The following JMY variants were observed in gnomAD, a reference collection of about 807,000 sequenced individuals.
JMY encodes the protein junction mediating and regulatory protein, p53 cofactor.
In JMY, 46 loss-of-function variants were observed where a neutral mutation model predicts 103.3. The ratio of observed to expected loss-of-function variants is 0.45; its 90% CI spans 0.35 to 0.57. The LOEUF (loss-of-function observed/expected upper bound fraction) is 0.57. Ranked by LOEUF, JMY falls within the 20% of genes least tolerant of loss-of-function variation. The pLI, the probability that JMY is intolerant of heterozygous loss-of-function variation, is 0.00. For synonymous variants in JMY, 526 were observed against 489.3 expected, an observed-to-expected ratio of 1.07 and a Z score of -0.99; for missense variants, 1,238 against 1,255.2, an observed-to-expected ratio of 0.99 and a Z score of 0.21.
chr5:79,267,139 T>C (rs1745608423), intron 1 of JMY, among the ~76,000 whole-genome samples: 1 of 152,234 alleles, frequency 6.6e-6, no homozygotes, highest in African/African-American at 2.4e-5. Context: ...GTGTGGTACA[T>C]TTGTTATAAT....
At chr5:79,294,627 C>T (rs913296475) in intron 4 of JMY, among the ~76,000 whole-genome samples, 7 of 151,962 alleles carry the variant, frequency 4.6e-5, no homozygotes, top group African/African-American at 1.2e-4. Flanking sequence ...GAGGCCAAGA[C>T]GGGCGGATCA....
At chr5:79,292,421 A>G (rs1162669344) in intron 4 of JMY, among the ~76,000 whole-genome samples, 1 of 152,078 alleles carries the variant, frequency 6.6e-6, no homozygotes, top group Non-Finnish European at 1.5e-5. Context: ...GGGCTCAAGC[A>G]GTCCTACCTC....
intron 7 of JMY, among the ~76,000 whole-genome samples, chr5:79,306,727 G>A (rs1161369960): frequency 2.6e-5 from 4 of 152,058 alleles, no homozygotes; most frequent in African/African-American, 9.7e-5. Flanking sequence ...ACATCCCCCA[G>A]AGTGGAATAT....
At position 79,281,386 on chromosome 5, in the gene JMY, A is replaced by G. The variant is rs528225704; in HGVS notation, c.1206+3303A>G. On this transcript the variant is annotated intron_variant, in intron 2 of 10. Coordinates refer to ENST00000396137, the MANE Select transcript of JMY (RefSeq NM_152405.5). Reference sequence around the variant, plus strand: ...TTTTTTTTTTTTTTTTTTTACTTTTAAAACCTTTTTGTTAAAAACTGGAGC... The same window carrying G: ...TTTTTTTTTTTTTTTTTTTACTTTTGAAACCTTTTTGTTAAAAACTGGAGC... Among the ~76,000 whole-genome samples, 752 of 142,362 alleles carry G rather than the reference A, an allele frequency of 5.3e-3. 7 individuals carry two copies. Among genetic ancestry groups the G allele is most frequent in the African/African-American group, 0.02 (736 of 37,734 alleles). The allele number at this position is 142,362 out of a possible 152,430, so 93.4% of individuals were successfully genotyped here. A position where few individuals can be genotyped will look rare whatever the true frequency, so the allele number is the denominator to read the frequency against.
At chr5:79,310,951 C>A (rs920929022) in intron 7 of JMY, among the ~76,000 whole-genome samples, 1 of 152,048 alleles carries the variant, frequency 6.6e-6, no homozygotes, top group African/African-American at 2.4e-5. Flanking sequence ...ACCAGGCTGA[C>A]CCTGTCTCTA....
At chr5:79,278,880 C>T (rs1466204318) in intron 2 of JMY, among the ~76,000 whole-genome samples, 7 of 151,160 alleles carry the variant, frequency 4.6e-5, no homozygotes, top group Admixed American at 6.6e-5. Flanking sequence ...TTGCCCACCT[C>T]GGCCTCCCGA....
In JMY at chr5:79,300,307, G is replaced by C; in HGVS notation, c.1682G>C (p.Arg561Thr). The C allele has an allele frequency of 1.3e-6, 2 of 1,566,232 alleles. 1 individual carries two copies. The highest frequency in any genetic ancestry group is 4.6e-5 in the East Asian group (2 of 43,160). Residue 561 changes from arginine to threonine, a missense_variant, in exon 5 of 11, where the codon AGA (arginine) becomes ACA (threonine). Transcript: ENST00000396137. The part of the protein sequence containing the change: ...LLTAQLESIK[R>T]LISEKRDEVV... ...ACAGCGCAACTAGAAAGCATCAAAAGACTTATATCAGGTATGGCGTGCATT... is the reference window on the plus strand; with the variant it reads ...ACAGCGCAACTAGAAAGCATCAAAACACTTATATCAGGTATGGCGTGCATT...
In JMY at chr5:79,324,182, T is replaced by C. The variant is rs1373510744; in HGVS notation, c.*2580T>C. On this transcript the variant is annotated 3_prime_UTR_variant, in exon 11 of 11. Coordinates refer to ENST00000396137, the MANE Select transcript of JMY (RefSeq NM_152405.5). ...ACCCACCTGTTAATTTTAAAGTAGCTTCAGAACCCAACAAAAATTATGTAA... is the reference window on the plus strand; with the variant it reads ...ACCCACCTGTTAATTTTAAAGTAGCCTCAGAACCCAACAAAAATTATGTAA... The C allele has an allele frequency of 2.6e-5, 4 of 152,222 alleles. No individual in the cohort carries two copies. The highest frequency in any genetic ancestry group is 9.6e-5 in the African/African-American group (4 of 41,462). 9.4% of individuals were successfully genotyped at this position (152,222 alleles called of 1,614,324 possible). A position where few individuals can be genotyped will look rare whatever the true frequency, so the allele number is the denominator to read the frequency against.
intron 2 of JMY, among the ~76,000 whole-genome samples, chr5:79,288,725 TG>T (rs1055376121): frequency 1.2e-4 from 18 of 150,768 alleles, no homozygotes; most frequent in Non-Finnish European, 1.6e-4. Context: ...TGTTTTTTTT[TG>T]TTTGTTTGTT....
At chr5:79,244,033 C>G (rs1580325069) in intron 1 of JMY, among the ~76,000 whole-genome samples, 5 of 149,502 alleles carry the variant, frequency 3.3e-5, no homozygotes, top group African/African-American at 1.2e-4. Context: ...GACAGGCTTG[C>G]TCTGTCACCC....
At position 79,236,829 on chromosome 5, in the gene JMY, A is replaced by G. The variant is rs1416360799; in HGVS notation, c.179A>G (p.Glu60Gly). 3 of 1,463,728 alleles carry G rather than the reference A, an allele frequency of 2.0e-6. No homozygotes were observed. Among genetic ancestry groups the G allele is most frequent in the South Asian group, 1.4e-5 (1 of 72,318 alleles). The allele number at this position is 1,463,728 out of a possible 1,614,324, so 90.7% of individuals were successfully genotyped here. The change falls in exon 1 of 11, where the codon GAG becomes GGG. Residue 60 changes from glutamate to glycine, a missense_variant. Transcript: ENST00000396137. ...TAQRQRSGSR[E>G]QAGARGGAEA... Reference sequence around the variant, plus strand: ...CAGAGGCAGAGGAGCGGCTCCCGGGAGCAAGCGGGGGCGCGAGGGGGCGCC... The same window carrying G: ...CAGAGGCAGAGGAGCGGCTCCCGGGGGCAAGCGGGGGCGCGAGGGGGCGCC...
At position 79,324,196 on chromosome 5, in the gene JMY, A is replaced by G. The variant is rs1747557018; in HGVS notation, c.*2594A>G. Reference sequence around the variant, plus strand: ...TTTAAAGTAGCTTCAGAACCCAACAAAAATTATGTAAGCCTGGTTAAATGT... The same window carrying G: ...TTTAAAGTAGCTTCAGAACCCAACAGAAATTATGTAAGCCTGGTTAAATGT... On this transcript the variant is annotated 3_prime_UTR_variant, in exon 11 of 11. Transcript: ENST00000396137. 1 of 152,244 alleles carries G rather than the reference A, an allele frequency of 6.6e-6. No individual in the cohort carries two copies. Among genetic ancestry groups the G allele is most frequent in the Admixed American group, 6.5e-5 (1 of 15,286 alleles). The allele number at this position is 152,244 out of a possible 1,614,324, so 9.4% of individuals were successfully genotyped here.
chr5:79,274,140 T>TG (rs1348440561), intron 1 of JMY, among the ~76,000 whole-genome samples: 4 of 151,930 alleles, frequency 2.6e-5, no homozygotes, highest in African/African-American at 4.8e-5. Context: ...TTTCTTTTTT[T>TG]TCTATAAGAT....
chr5:79,283,548 T>C (rs1384907544), intron 2 of JMY, among the ~76,000 whole-genome samples: 2 of 152,222 alleles, frequency 1.3e-5, no homozygotes, highest in Non-Finnish European at 2.9e-5. Context: ...CCCAGCATTA[T>C]TTTAGGCCAG....
intron 4 of JMY, 85 bp from the exon 5 acceptor site, chr5:79,300,068 A>G: frequency 5.6e-6 from 6 of 1,077,296 alleles, no homozygotes; most frequent in African/African-American, 1.6e-5. Context: ...GGTTTATGCT[A>G]TCTGATTAGT....
rs1747073836 is a variant in JMY at position 79,312,399 on chromosome 5, C to T, written c.1969-4C>T. ...TAATGGAATTATTATTAATTTTTTACCAGAAGAGAGAAAAATTACATGATG... is the reference window on the plus strand; with the variant it reads ...TAATGGAATTATTATTAATTTTTTATCAGAAGAGAGAAAAATTACATGATG... On this transcript the variant is annotated splice_polypyrimidine_tract_variant and splice_region_variant and intron_variant, in intron 7 of 10. Transcript: ENST00000396137. 2.0e-6 allele frequency: 3 copies of T among 1,516,572 alleles called. No homozygotes were observed. The East Asian group carries it at 6.9e-5, about 35-fold the overall frequency. 93.9% of individuals were successfully genotyped at this position (1,516,572 alleles called of 1,614,324 possible).
intron 10 of JMY, among the ~76,000 whole-genome samples, chr5:79,319,482 T>C (rs1001261869): frequency 6.6e-6 from 1 of 152,216 alleles, no homozygotes; most frequent in Admixed American, 6.5e-5. Flanking sequence ...TCATGGAGAC[T>C]AAAAGGCTGT....
chr5:79,241,876 CA>C (rs1317310799), intron 1 of JMY, among the ~76,000 whole-genome samples: 3 of 152,090 alleles, frequency 2.0e-5, no homozygotes, highest in Non-Finnish European at 1.5e-5. Flanking sequence ...CCTCTTTGAA[CA>C]GTTTTCAGCA....
intron 10 of JMY, 111 bp downstream of exon 10, chr5:79,316,421 C>G: frequency 1.4e-6 from 1 of 737,688 alleles, no homozygotes; most frequent in South Asian, 2.3e-5. Context: ...GTTTTATAAC[C>G]CAATTTTAGC....
Sources: allele counts gnomAD v4.1 joint callset (sites outside exome capture counted in the v4.1 genomes callset), GRCh38; gene constraint gnomAD v4.1.1; transcripts MANE v1.5; gene names NCBI Gene and HGNC (gene_info 2026-07-23, HGNC 2026-07-21).